The following NVL variants were observed in gnomAD, a reference collection of about 807,000 sequenced individuals.
NVL encodes the protein nuclear VCP like, also known as nuclear valosin-containing protein-like.
NVL carries 84 observed loss-of-function variants against 110.2 expected under a neutral mutation model. The observed-to-expected ratio is 0.76, with a 90% CI of 0.64 to 0.91. The LOEUF is 0.91. Ranked by LOEUF, NVL falls within the 40% of genes least tolerant of loss-of-function variation. NVL has a pLI of 0.00. For missense variants in NVL, 882 were observed against 1,035.9 expected (o/e 0.85, Z 2.04); for synonymous variants, 354 against 361.1 (o/e 0.98, Z 0.22).
intron 15 of NVL, among the ~76,000 whole-genome samples, chr1:224,285,278 T>C (rs887352827): frequency 1.3e-5 from 2 of 151,960 alleles, no homozygotes; most frequent in Non-Finnish European, 2.9e-5. Context: ...CTACTAAAAA[T>C]ACAAAAATTA....
intron 1 of NVL, among the ~76,000 whole-genome samples, chr1:224,329,475 G>T (rs10799564): frequency 0.91 from 138,844 of 151,856 alleles, 63,755 homozygotes; most frequent in Middle Eastern, 0.98. Flanking sequence ...CAAGGAGAAT[G>T]TGTAGCTCAC....
At chr1:224,275,595 C>T in intron 16 of NVL, 137 bp from the exon 17 acceptor site, 2 of 1,082,022 alleles carry the variant, frequency 1.8e-6, no homozygotes, top group East Asian at 5.1e-5. Flanking sequence ...GAACCATATA[C>T]AATTGCTGAT....
At chr1:224,307,714 A>G (rs1042081751) in intron 6 of NVL, among the ~76,000 whole-genome samples, 107 of 151,692 alleles carry the variant, frequency 7.1e-4, no homozygotes, top group African/African-American at 2.6e-3. Context: ...AAAAAAAAAA[A>G]AAAAAAAGCT....
At chr1:224,238,291 C>T (rs865910852) in intron 19 of NVL, among the ~76,000 whole-genome samples, 4 of 152,250 alleles carry the variant, frequency 2.6e-5, no homozygotes, top group Middle Eastern at 3.4e-3. Flanking sequence ...CCTTGGCCAC[C>T]CGAAGTGCTG....
intron 15 of NVL, among the ~76,000 whole-genome samples, chr1:224,284,422 C>G (rs1666660843): frequency 6.6e-6 from 1 of 151,952 alleles, no homozygotes; most frequent in Non-Finnish European, 1.5e-5. Flanking sequence ...GTTGCCTAAG[C>G]TGGCATGCAG....
chr1:224,260,458 A>G (rs528300907), intron 18 of NVL, among the ~76,000 whole-genome samples: 7 of 152,020 alleles, frequency 4.6e-5, no homozygotes, highest in African/African-American at 1.4e-4. Context: ...GGGTTTCACC[A>G]TGTTGGCCAG....
intron 16 of NVL, among the ~76,000 whole-genome samples, chr1:224,277,794 A>G (rs1665915147): frequency 6.6e-6 from 1 of 152,204 alleles, no homozygotes; most frequent in Admixed American, 6.5e-5. Context: ...TCTAATTACC[A>G]AATCCCAAGT....
chr1:224,330,097 T>A lies in NVL; in HGVS notation c.31A>T (p.Asn11Tyr). The change falls in exon 1 of 23, where the codon AAT becomes TAT. Residue 11 changes from asparagine to tyrosine, a missense_variant. This residue lies in a region of NVL where 274 missense variants were observed against 268.4 expected (regional missense o/e 1.02). Transcript: ENST00000281701. ...TGGATGACTCGCTGCTTGAGTTTAT[T>A]ATCCACGAACCCTGCAGGTCTGGGC... MKPRPAGFVD[N>Y]KLKQRVIQYL... is the part of the protein sequence containing the mutation. 1 of 1,614,088 alleles carries A rather than the reference T, an allele frequency of 6.2e-7. No individual in the cohort carries two copies. The highest frequency in any genetic ancestry group is 8.5e-7 in the Non-Finnish European group (1 of 1,179,978).
intron 18 of NVL, among the ~76,000 whole-genome samples, chr1:224,255,687 G>A (rs1663139509): frequency 6.6e-6 from 1 of 152,294 alleles, no homozygotes; most frequent in Non-Finnish European, 1.5e-5. Flanking sequence ...TGGGTTTACA[G>A]GCGTGTACCA....
chr1:224,320,809 C>G (rs1363257984), intron 2 of NVL, among the ~76,000 whole-genome samples: 1 of 152,120 alleles, frequency 6.6e-6, no homozygotes, highest in African/African-American at 2.4e-5. Context: ...GCCAGCACAC[C>G]TAGTTAATTT....
chr1:224,288,081 C>G (rs536935845), intron 13 of NVL, 88 bp from the exon 14 acceptor site: 5 of 947,350 alleles, frequency 5.3e-6, no homozygotes, highest in East Asian at 5.0e-5. Context: ...AAAATTATTA[C>G]TGTAATATTT....
At chr1:224,291,659 A>C (rs935610278) in intron 12 of NVL, among the ~76,000 whole-genome samples, 3 of 152,240 alleles carry the variant, frequency 2.0e-5, no homozygotes, top group African/African-American at 7.2e-5. Flanking sequence ...ATGCACAAGA[A>C]TACAAAACAC....
intron 19 of NVL, among the ~76,000 whole-genome samples, chr1:224,241,771 G>C (rs1383510568): frequency 2.0e-5 from 3 of 151,158 alleles, no homozygotes; most frequent in Non-Finnish European, 4.4e-5. Flanking sequence ...CAGGAGAATC[G>C]CTTGAACCCG....
At position 224,300,573 on chromosome 1, in the gene NVL, C is replaced by T. The variant is rs1236589816; in HGVS notation, c.1051G>A (p.Glu351Lys). The change falls in exon 10 of 23, where the codon GAG becomes AAG. Residue 351 changes from glutamate to lysine, a missense_variant. This residue lies in a region of NVL where 416 missense variants were observed against 499.3 expected (regional missense o/e 0.83). Coordinates refer to ENST00000281701, the MANE Select transcript of NVL (RefSeq NM_002533.4). Reference sequence around the variant, plus strand: ...ATTAACTGACTCACCACAGCTTGCTCAAATAGTTCTCTCAGCTTCTGCTCA... The same window carrying T: ...ATTAACTGACTCACCACAGCTTGCTTAAATAGTTCTCTCAGCTTCTGCTCA... Reference protein sequence around the residue: ...ESEQKLRELFEQAVSNAPCII... With the variant: ...ESEQKLRELFKQAVSNAPCII... 7 of 1,613,374 alleles carry T rather than the reference C, an allele frequency of 4.3e-6. No homozygotes were observed. Among genetic ancestry groups the T allele is most frequent in the Non-Finnish European group, 5.9e-6 (7 of 1,179,564 alleles).
At chr1:224,264,733 A>G (rs1244015526) in intron 18 of NVL, among the ~76,000 whole-genome samples, 2 of 55,566 alleles carry the variant, frequency 3.6e-5, no homozygotes, top group Non-Finnish European at 5.3e-5. Flanking sequence ...GAAGATCTAG[A>G]ACGTTTATTA....
chr1:224,318,930 A>T (rs1572061620), intron 2 of NVL, among the ~76,000 whole-genome samples: 2 of 151,472 alleles, frequency 1.3e-5, no homozygotes, highest in East Asian at 3.9e-4. Flanking sequence ...CAGAGCTTGC[A>T]GTGAGCCAAG....
chr1:224,270,239 C>A (rs1251023102), intron 17 of NVL, among the ~76,000 whole-genome samples: 2 of 152,098 alleles, frequency 1.3e-5, no homozygotes, highest in African/African-American at 4.8e-5. Context: ...ACAAGAATGA[C>A]TGATAGATTT....
chr1:224,231,184 A>G (rs1388745804), intron 22 of NVL, 42 bp downstream of exon 22: 5 of 1,405,050 alleles, frequency 3.6e-6, no homozygotes, highest in Non-Finnish European at 4.0e-6. Context: ...CTGGTCTAAA[A>G]TTCTAGTTTC....
chr1:224,228,687 C>G (rs61826430), intron 22 of NVL, among the ~76,000 whole-genome samples: 51,960 of 149,036 alleles, frequency 0.35, 9,213 homozygotes, highest in East Asian at 0.51. Flanking sequence ...CACCTGTAAT[C>G]CCAGCACTTT....
Sources: allele counts gnomAD v4.1 joint callset (sites outside exome capture counted in the v4.1 genomes callset), GRCh38; gene constraint gnomAD v4.1.1; regional missense constraint gnomAD v4.1.1; transcripts MANE v1.5; gene names NCBI Gene and HGNC (gene_info 2026-07-23, HGNC 2026-07-21).